STK26: variants seen among roughly 807,000 people sequenced by gnomAD.
STK26 encodes serine/threonine kinase 26.
STK26 carries 14 observed loss-of-function variants against 34.7 expected under a neutral mutation model. That is an observed-to-expected ratio of 0.40 (90% CI 0.27 to 0.63). STK26 has a LOEUF of 0.63. Among genes scored for constraint, STK26 ranks in the 30% least tolerant of loss-of-function variants. The pLI is 0.38. For synonymous variants in STK26, 100 were observed against 109.8 expected (o/e 0.91, Z 0.56); for missense variants, 226 against 309.1 (o/e 0.73, Z 2.02).
intron 11 of STK26, 146 bp downstream of exon 11, chrX:132,073,239 T>A: frequency 1.6e-6 from 1 of 627,781 alleles, no homozygotes; most frequent in Non-Finnish European, 2.4e-6. Context: ...TTAAAAATAG[T>A]TTTTGTCTGT....
chrX:132,064,087 G>A (rs1298086642), intron 4 of STK26, among the ~76,000 whole-genome samples: 1 of 111,643 alleles, frequency 9.0e-6, no homozygotes, highest in Non-Finnish European at 1.9e-5. Context: ...TGGAAACCAG[G>A]AAGAGTGCCT....
At position 132,060,594 on chromosome X, in the gene STK26, G is replaced by GT. The variant is rs770840797; in HGVS notation, c.274-2829dup. Among the ~76,000 whole-genome samples, 207 of 102,525 alleles carry GT rather than the reference G, an allele frequency of 2.0e-3. 2 individuals are homozygous for GT. The highest frequency in any genetic ancestry group is 9.8e-3 in the Middle Eastern group (2 of 205). The allele number at this position is 102,525 out of a possible 115,157, so 89.0% of individuals were successfully genotyped here. ...TTTTTGTTTGTTTGTTTTTTGGGTG[G>GT]TTTTTTTTTTGTTTTGTTTTTTTGT... is the stretch of plus-strand genomic sequence containing the variant. On this transcript the variant is annotated intron_variant, in intron 3 of 11. Coordinates refer to ENST00000394334, the MANE Select transcript of STK26 (RefSeq NM_016542.4).
At chrX:132,050,754 C>T (rs1036101247) in intron 2 of STK26, among the ~76,000 whole-genome samples, 7 of 111,614 alleles carry the variant, frequency 6.3e-5, no homozygotes, top group Non-Finnish European at 1.1e-4. Flanking sequence ...CTTTAATCTC[C>T]AACTTGTCCA....
chrX:132,042,013 T>A (rs1415221213), intron 2 of STK26, among the ~76,000 whole-genome samples: 1 of 111,958 alleles, frequency 8.9e-6, no homozygotes, highest in Non-Finnish European at 1.9e-5. Context: ...TTCAGTAGCA[T>A]TTTCTCCTCT....
intron 2 of STK26, among the ~76,000 whole-genome samples, chrX:132,028,773 G>T (rs1035607414): frequency 4.5e-5 from 5 of 110,845 alleles, no homozygotes; most frequent in African/African-American, 1.6e-4. Context: ...TGGGGTGGGG[G>T]ATGGGGGGAT....
In STK26 at chrX:132,036,649, A is replaced by G. The variant is rs186730915; in HGVS notation, c.42+12990A>G. Among the ~76,000 whole-genome samples the G allele has an allele frequency of 4.3e-3, 485 of 111,725 alleles. 2 individuals are homozygous for G. Among genetic ancestry groups the G allele is most frequent in the African/African-American group, 0.015 (460 of 30,709 alleles). ...TAATTATCACTAGAATCCCTAAGCG[A>G]CTTGCTTCCTCTTCAGGGAGTTAAA... On this transcript the variant is annotated intron_variant, in intron 2 of 11. Coordinates refer to ENST00000394334, the MANE Select transcript of STK26 (RefSeq NM_016542.4).
chrX:132,039,897 T>C (rs1926199074), intron 2 of STK26, among the ~76,000 whole-genome samples: 1 of 111,677 alleles, frequency 9.0e-6, no homozygotes, highest in Admixed American at 9.5e-5. Flanking sequence ...ATTCCTCATC[T>C]GAACCATAAA....
chrX:132,053,537 C>T (rs1036711187), intron 2 of STK26, among the ~76,000 whole-genome samples: 1 of 111,778 alleles, frequency 8.9e-6, no homozygotes, highest in Admixed American at 9.5e-5. Flanking sequence ...GACATGCTAA[C>T]TCCATAATTG....
At chrX:132,040,215 G>A (rs937068939) in intron 2 of STK26, among the ~76,000 whole-genome samples, 2 of 112,857 alleles carry the variant, frequency 1.8e-5, no homozygotes, top group African/African-American at 6.4e-5. Flanking sequence ...TACAAGAAAG[G>A]TTTGCCGATC....
chrX:132,042,503 A>C (rs975085972), intron 2 of STK26, among the ~76,000 whole-genome samples: 1 of 111,096 alleles, frequency 9.0e-6, no homozygotes, highest in Non-Finnish European at 1.9e-5. Flanking sequence ...TTTCAGGTAC[A>C]ACTATTTCAC....
chrX:132,050,808 G>A (rs960042824), intron 2 of STK26, among the ~76,000 whole-genome samples: 4 of 111,509 alleles, frequency 3.6e-5, no homozygotes, highest in Non-Finnish European at 7.5e-5. Context: ...GCTTGCCTGG[G>A]AAAAATAAGG....
At chrX:132,023,780 A>T (rs775972078) in intron 2 of STK26, 121 bp downstream of exon 2, 8 of 867,636 alleles carry the variant, frequency 9.2e-6, no homozygotes, top group Non-Finnish European at 1.3e-5. Flanking sequence ...AGGGCCGGTC[A>T]CTATGGCCAG....
chrX:132,058,129 T>A (rs1926918407), intron 3 of STK26, among the ~76,000 whole-genome samples: 1 of 112,069 alleles, frequency 8.9e-6, no homozygotes, highest in African/African-American at 3.3e-5. Context: ...AAAAAGCTAA[T>A]TCAGCCCATC....
chrX:132,032,012 A>T (rs768202962), intron 2 of STK26, among the ~76,000 whole-genome samples: 2 of 111,039 alleles, frequency 1.8e-5, no homozygotes, highest in South Asian at 7.7e-4. Context: ...GAAAACCTAT[A>T]TATGGAACAT....
intron 2 of STK26, among the ~76,000 whole-genome samples, chrX:132,032,588 A>G (rs1288334837): frequency 8.9e-6 from 1 of 111,861 alleles, no homozygotes; most frequent in Non-Finnish European, 1.9e-5. Flanking sequence ...AAAAGTGGGG[A>G]AAAGAAATCT....
In STK26 at chrX:132,072,717, G is replaced by C. The variant is rs1927455322; in HGVS notation, c.1027-96G>C. On this transcript the variant is annotated intron_variant, in intron 9 of 11. Coordinates refer to ENST00000394334, the MANE Select transcript of STK26 (RefSeq NM_016542.4). ...CCTTGCATACAATCTTTTGTTTTCA[G>C]TAGGGGATTCAAATTAGTTCGTATT... 1.7e-5 allele frequency: 15 copies of C among 907,304 alleles called. No individual in the cohort carries two copies. In the Admixed American group the frequency reaches 3.5e-4, roughly 21 times the overall value. 74.8% of individuals were successfully genotyped at this position (907,304 alleles called of 1,213,427 possible).
intron 3 of STK26, chrX:132,055,348 A>G (rs931879252): frequency 2.8e-6 from 2 of 712,927 alleles, no homozygotes; most frequent in African/African-American, 4.3e-5. Flanking sequence ...TCCTTAGCAC[A>G]GGGTATGGTA....
chrX:132,064,454 A>G (rs1299667155), intron 4 of STK26, among the ~76,000 whole-genome samples: 1 of 111,986 alleles, frequency 8.9e-6, no homozygotes, highest in Non-Finnish European at 1.9e-5. Flanking sequence ...TTTGAGAAAC[A>G]CTGGTTGTTC....
intron 2 of STK26, among the ~76,000 whole-genome samples, chrX:132,046,739 G>A (rs906700983): frequency 1.8e-5 from 2 of 111,462 alleles, no homozygotes; most frequent in African/African-American, 6.5e-5. Context: ...AAGTAGGTGG[G>A]TAAAGATAAG....
Sources: gnomAD v4.1 joint callset for allele counts (sites outside exome capture counted in the v4.1 genomes callset) on GRCh38, gnomAD v4.1.1 for gene constraint, MANE v1.5 for transcripts, NCBI Gene and HGNC (gene_info 2026-07-23, HGNC 2026-07-21) for gene names.